GCN1: variants seen among roughly 807,000 people sequenced by gnomAD.
GCN1 encodes the protein GCN1 activator of EIF2AK4.
GCN1 carries 90 observed loss-of-function variants against 288.4 expected under a neutral mutation model. The observed-to-expected ratio is 0.31, with a 90% CI of 0.26 to 0.37. GCN1 has a LOEUF of 0.37. GCN1 is among the 10% of genes least tolerant of loss of function. The pLI is 1.00. For missense variants in GCN1, 2,586 were observed against 3,419.9 expected (o/e 0.76, Z 6.08); for synonymous variants, 1,386 against 1,420.2 (o/e 0.98, Z 0.54).
Position 120,142,141 on chromosome 12 carries a change from G to A in GCN1, c.5829+366C>T, listed in dbSNP as rs1448925478. On this transcript the variant is annotated intron_variant, in intron 44 of 57. Transcript: ENST00000300648. This position sits in a 1 kb window ranked among gnomAD's most constrained non-coding sequence, Gnocchi z 4.9. ...GGAGATCGAGACCGTCCTGGCTAAC[G>A]TGCTGAAACCCCGTCTCTACTAAAA... Among the ~76,000 whole-genome samples, 10 of 151,884 alleles carry A rather than the reference G, an allele frequency of 6.6e-5. No individual in the cohort carries two copies. Among genetic ancestry groups the A allele is most frequent in the East Asian group, 1.9e-4 (1 of 5,160 alleles).
intron 22 of GCN1, among the ~76,000 whole-genome samples, 198 bp downstream of exon 22, chr12:120,161,292 T>C (rs1877917105): frequency 6.6e-6 from 1 of 151,572 alleles, no homozygotes; most frequent in South Asian, 2.1e-4. Flanking sequence ...CGGTTTTGAG[T>C]TGTGGGTGGA....
At chr12:120,130,423 G>A (rs1228895090) in intron 56 of GCN1, among the ~76,000 whole-genome samples, 1 of 152,116 alleles carries the variant, frequency 6.6e-6, no homozygotes, top group Admixed American at 6.5e-5. Context: ...TCAGAGTCAC[G>A]GGTCAATTTG....
chr12:120,181,465 CAAAAAA>C (rs71072594), intron 5 of GCN1, among the ~76,000 whole-genome samples: 13 of 73,996 alleles, frequency 1.8e-4, no homozygotes, highest in African/African-American at 2.4e-4. Context: ...ATCTTTGTCT[CAAAAAA>C]AAAAAAAAAA....
chr12:120,168,292 G>A lies in GCN1; in HGVS notation c.1528C>T (p.Leu510=). Residue 510 remains leucine, a synonymous_variant, in exon 16 of 58, where the codon CTG becomes TTG. Coordinates refer to ENST00000300648, the MANE Select transcript of GCN1 (RefSeq NM_006836.2). ...SVADSQAEAK[L]SSFWQLIVDE... ...ACAATCAACTGCCAGAAACTGCTCAGTTTGGCCTCTGCAAGAAACAAAAGG... is the reference window on the plus strand; with the variant it reads ...ACAATCAACTGCCAGAAACTGCTCAATTTGGCCTCTGCAAGAAACAAAAGG... 1 of 1,598,922 alleles carries A rather than the reference G, an allele frequency of 6.3e-7. No individual in the cohort carries two copies. Among genetic ancestry groups the A allele is most frequent in the Non-Finnish European group, 8.6e-7 (1 of 1,166,154 alleles).
At chr12:120,143,625 A>G (rs1022200356) in intron 42 of GCN1, among the ~76,000 whole-genome samples, 3 of 152,024 alleles carry the variant, frequency 2.0e-5, no homozygotes, top group Non-Finnish European at 2.9e-5. Flanking sequence ...TGAATGTGCT[A>G]TATTTTTAAA....
intron 15 of GCN1, among the ~76,000 whole-genome samples, chr12:120,169,255 C>G (rs906507995): frequency 1.7e-5 from 2 of 118,452 alleles, no homozygotes; most frequent in African/African-American, 6.3e-5. Context: ...CCAGCCTGGG[C>G]GACAGAGCGA....
rs777321667 is a variant in GCN1, at chr12:120,155,398, G to A, written c.3473C>T (p.Pro1158Leu). ...LWSMMGLDLQ[P>L]DLCSLLIDDV... ...GTCAATCAGCAAGGAGCAGAGGTCT[G>A]GCTGCAGGTCTAGGCCCATCATTGA... is the stretch of plus-strand genomic sequence containing the variant. Residue 1158 changes from proline (P) to leucine (L), a missense_variant, in exon 30 of 58, where the codon CCA becomes CTA. Coordinates refer to ENST00000300648, the MANE Select transcript of GCN1 (RefSeq NM_006836.2). This position sits in a 1 kb window ranked among gnomAD's most constrained non-coding sequence, Gnocchi z 4.9. 6.2e-7 allele frequency: 1 copy of A among 1,614,038 alleles called. No homozygotes were observed. The highest frequency in any genetic ancestry group is 8.5e-7 in the Non-Finnish European group (1 of 1,180,028).
intron 14 of GCN1, among the ~76,000 whole-genome samples, chr12:120,172,377 TGC>T (rs1878339608): frequency 1.3e-5 from 2 of 152,206 alleles, no homozygotes; most frequent in African/African-American, 4.8e-5. Context: ...TTCAAATCAG[TGC>T]AAAAATCTCT....
rs775105652 is a variant in GCN1 at position 120,138,331 on chromosome 12, C to T, written c.6241G>A (p.Val2081Met). The T allele has an allele frequency of 1.3e-6, 2 of 1,598,156 alleles. No homozygotes were observed. Among genetic ancestry groups the T allele is most frequent in the South Asian group, 1.1e-5 (1 of 90,796 alleles). ...IKSRVVLPYL[V>M]PKLTTPPVNT... ...CACATGTTGGGATTTACCTTGGGCA[C>T]AAGGTAGGGCAGCACCACACGACTC... The change falls in exon 47 of 58, where the codon GTG becomes ATG. Residue 2081 changes from valine to methionine, a missense_variant. Val to Met is a conservative substitution (Grantham distance 21). This residue lies in a region of GCN1 where 437 missense variants were observed against 570.5 expected (regional missense o/e 0.77). Transcript: ENST00000300648.
chr12:120,153,881 G>C lies in GCN1; in HGVS notation c.3730C>G (p.Leu1244Val), dbSNP rs1311261198. The C allele has an allele frequency of 1.2e-6, 2 of 1,613,988 alleles. No homozygotes were observed. Among genetic ancestry groups the C allele is most frequent in the African/African-American group, 2.7e-5 (2 of 74,926 alleles). ...RCGLALALNK[L>V]SQYLDSSQVK... ...TGAGAGCTGTCCAAATACTGGGAGA[G>C]CTTGTTGAGGGCCAACGCCAAGCCA... Residue 1244 changes from leucine (L) to valine (V), a missense_variant, in exon 32 of 58, where the codon CTC becomes GTC. This residue lies in a region of GCN1 where 332 missense variants were observed against 403.0 expected (regional missense o/e 0.82). Transcript: ENST00000300648. This position sits in a 1 kb window ranked among gnomAD's most constrained non-coding sequence, Gnocchi z 4.4.
rs201762299 is a variant in GCN1, at chr12:120,175,216, A to G, written c.1043-4T>C. 1.9e-6 allele frequency: 3 copies of G among 1,612,192 alleles called. No homozygotes were observed. Among genetic ancestry groups the G allele is most frequent in the South Asian group, 1.1e-5 (1 of 91,046 alleles). On this transcript the variant is annotated splice_polypyrimidine_tract_variant and splice_region_variant and intron_variant, in intron 11 of 57. Transcript: ENST00000300648. ...ACAGTTAGTTTTCCTTCCGAGCCTG[A>G]GAAGAGAGACAGCAAAGATTCACAT...
chr12:120,160,643 G>C (rs966329586), intron 22 of GCN1, among the ~76,000 whole-genome samples: 2 of 152,300 alleles, frequency 1.3e-5, no homozygotes, highest in South Asian at 4.1e-4. Context: ...ATAAGCTGAA[G>C]CTTAGAAAAG....
chr12:120,130,807 C>T lies in GCN1; in HGVS notation c.7564-54G>A, dbSNP rs535694539. The T allele has an allele frequency of 2.8e-3, 3,186 of 1,125,736 alleles. 72 individuals carry two copies. In the South Asian group the frequency reaches 0.034, roughly 12 times the overall value. The allele number at this position is 1,125,736 out of a possible 1,614,324, so 69.7% of individuals were successfully genotyped here. A position where few individuals can be genotyped will look rare whatever the true frequency, so the allele number is the denominator to read the frequency against. On this transcript the variant is annotated intron_variant, in intron 55 of 57. Transcript: ENST00000300648. The stretch of plus-strand genomic sequence containing the variant: ...AGGCCCCCCACCCCTTCCCCAGAGC[C>T]AGGAAAACCCCAGTTCCTAGTAATC...
At chr12:120,194,640 C>A in intron 1 of GCN1, 40 bp downstream of exon 1, 1 of 1,510,442 alleles carries the variant, frequency 6.6e-7, no homozygotes, top group South Asian at 1.2e-5. Context: ...CGTCCGCACC[C>A]AGTCCCTGGC....
At chr12:120,173,299 C>T (rs751917492) in intron 14 of GCN1, among the ~76,000 whole-genome samples, 8 of 152,118 alleles carry the variant, frequency 5.3e-5, no homozygotes, top group Non-Finnish European at 8.8e-5. Context: ...CTGCCCGCCT[C>T]GGCCTTCCAA....
intron 36 of GCN1, among the ~76,000 whole-genome samples, chr12:120,148,589 G>C (rs948499931): frequency 6.6e-6 from 1 of 152,182 alleles, no homozygotes; most frequent in African/African-American, 2.4e-5. Flanking sequence ...ACCAGGATAG[G>C]TAAGACCTGG....
intron 4 of GCN1, 40 bp from the exon 5 acceptor site, chr12:120,183,717 T>G (rs1253555959): frequency 4.9e-6 from 6 of 1,233,888 alleles, no homozygotes; most frequent in Non-Finnish European, 7.2e-6. Flanking sequence ...AGCAGCAGCC[T>G]CCACCTTGAG....
Position 120,137,657 on chromosome 12 carries a change from G to A in GCN1, c.6551C>T (p.Ala2184Val), listed in dbSNP as rs1448527527. The change falls in exon 49 of 58, where the codon GCT (alanine) becomes GTT (valine). Residue 2184 changes from alanine (A) to valine (V), a missense_variant. Coordinates refer to ENST00000300648, the MANE Select transcript of GCN1 (RefSeq NM_006836.2). This position sits in a 1 kb window ranked among gnomAD's most constrained non-coding sequence, Gnocchi z 5.2. ...GCTCCGCAGGTGGCTGGTGTAGTCAGCCTTTGAGCGGGAACAGTAGATGTT... is the reference window on the plus strand; with the variant it reads ...GCTCCGCAGGTGGCTGGTGTAGTCAACCTTTGAGCGGGAACAGTAGATGTT... Reference protein sequence around the residue: ...ILNIYCSRSKADYTSHLRSLV... With the variant: ...ILNIYCSRSKVDYTSHLRSLV... 6.2e-7 allele frequency: 1 copy of A among 1,614,190 alleles called. No individual in the cohort carries two copies. The highest frequency in any genetic ancestry group is 1.7e-5 in the Admixed American group (1 of 60,018).
chr12:120,179,426 G>C (rs1285704464), intron 5 of GCN1, among the ~76,000 whole-genome samples: 1 of 142,690 alleles, frequency 7.0e-6, no homozygotes, highest in Non-Finnish European at 1.5e-5. Context: ...TTGAGACAGA[G>C]TCTCGCTCTG....
Sources: gnomAD v4.1 joint callset for allele counts (sites outside exome capture counted in the v4.1 genomes callset) on GRCh38, gnomAD v4.1.1 for gene constraint, gnomAD v4.1.1 regional missense constraint, Gnocchi (gnomAD v3.1) non-coding constraint, MANE v1.5 for transcripts, NCBI Gene and HGNC (gene_info 2026-07-23, HGNC 2026-07-21) for gene names.